Variants in SOS1 observed in about 807,000 individuals in gnomAD.
The protein encoded by SOS1 is SOS Ras/Rac guanine nucleotide exchange factor 1, also known as son of sevenless homolog 1.
In SOS1, 25 loss-of-function variants were observed where a neutral mutation model predicts 157.6. That is an observed-to-expected ratio of 0.16 (90% CI 0.12 to 0.22). SOS1 has a LOEUF of 0.22. Ranked by LOEUF, SOS1 falls within the 10% of genes least tolerant of loss-of-function variation. The probability of loss-of-function intolerance (pLI) is 1.00; values close to 1 mark genes in which losing one functional copy is unlikely to be tolerated. For missense variants in SOS1, 1,237 were observed against 1,599.1 expected, an observed-to-expected ratio of 0.77 and a Z score of 3.86; for synonymous variants, 528 against 534.0, an observed-to-expected ratio of 0.99 and a Z score of 0.16.
At chr2:39,044,864 G>GCGCGCGCACACACA (rs147443441) in intron 6 of SOS1, among the ~76,000 whole-genome samples, 2 of 147,660 alleles carry the variant, frequency 1.4e-5, no homozygotes, top group East Asian at 4.1e-4. Context: ...GCGCGCGCGC[G>GCGCGCGCACACACA]CACACACACA....
chr2:39,040,995 G>A (rs1313939574), intron 6 of SOS1, among the ~76,000 whole-genome samples: 2 of 152,156 alleles, frequency 1.3e-5, no homozygotes, highest in African/African-American at 2.4e-5. Flanking sequence ...ACATCTTCAT[G>A]AACACTTGTT....
intron 10 of SOS1, among the ~76,000 whole-genome samples, chr2:39,017,727 G>T (rs1295336947): frequency 6.6e-6 from 1 of 151,906 alleles, no homozygotes; most frequent in Non-Finnish European, 1.5e-5. Flanking sequence ...TTAGTCTAAA[G>T]CAATGAAAAA....
At chr2:39,013,271 T>A (rs189314714) in intron 13 of SOS1, among the ~76,000 whole-genome samples, 189 bp downstream of exon 13, 177 of 152,226 alleles carry the variant, frequency 1.2e-3, no homozygotes, top group African/African-American at 4.1e-3. Flanking sequence ...ATACATTGGA[T>A]CAACAGGGTG....
At chr2:39,109,143 A>G (rs1170775327) in intron 1 of SOS1, among the ~76,000 whole-genome samples, 1 of 152,168 alleles carries the variant, frequency 6.6e-6, no homozygotes, top group African/African-American at 2.4e-5. Context: ...GGGCTGCAGT[A>G]AGCCATGATC....
At chr2:39,027,008 T>C (rs867124726) in intron 8 of SOS1, among the ~76,000 whole-genome samples, 6 of 152,216 alleles carry the variant, frequency 3.9e-5, no homozygotes, top group Admixed American at 2.0e-4. Context: ...ACTGAGTTGA[T>C]TGAGAATTTA....
intron 17 of SOS1, among the ~76,000 whole-genome samples, chr2:39,004,283 G>A (rs1372189143): frequency 6.6e-6 from 1 of 151,842 alleles, no homozygotes; most frequent in African/African-American, 2.4e-5. Flanking sequence ...GCTGGGTGTG[G>A]TGGTGGGCGC....
chr2:39,086,520 T>C (rs995076766), intron 1 of SOS1, among the ~76,000 whole-genome samples: 3 of 152,326 alleles, frequency 2.0e-5, no homozygotes, highest in African/African-American at 4.8e-5. Flanking sequence ...CAAGCCTGAA[T>C]TACATTTTTA....
At chr2:39,106,357 G>C (rs947442835) in intron 1 of SOS1, among the ~76,000 whole-genome samples, 2 of 151,964 alleles carry the variant, frequency 1.3e-5, no homozygotes, top group South Asian at 2.1e-4. Context: ...TTGGGAGGCC[G>C]AGGCGGGCGG....
chr2:39,049,478 C>T (rs1409254055), intron 6 of SOS1, among the ~76,000 whole-genome samples: 1 of 151,996 alleles, frequency 6.6e-6, no homozygotes, highest in Non-Finnish European at 1.5e-5. Flanking sequence ...GATCATATTC[C>T]TTCACTTATC....
At chr2:39,094,135 A>AT (rs568140332) in intron 1 of SOS1, among the ~76,000 whole-genome samples, 39 of 150,152 alleles carry the variant, frequency 2.6e-4, no homozygotes, top group South Asian at 4.2e-4. Flanking sequence ...CTCTCTGCTA[A>AT]TTTTTTTTTT....
intron 1 of SOS1, among the ~76,000 whole-genome samples, chr2:39,074,155 G>A (rs1671882811): frequency 6.6e-6 from 1 of 152,010 alleles, no homozygotes; most frequent in African/African-American, 2.4e-5. Flanking sequence ...TTTGAGACAA[G>A]CCTGAGCAAC....
chr2:39,091,705 C>A (rs1263727768), intron 1 of SOS1, among the ~76,000 whole-genome samples: 1 of 152,174 alleles, frequency 6.6e-6, no homozygotes, highest in Non-Finnish European at 1.5e-5. Flanking sequence ...CTATACCAGC[C>A]CCCCAGGCTT....
intron 5 of SOS1, among the ~76,000 whole-genome samples, chr2:39,053,641 T>C (rs1178911604): frequency 2.6e-5 from 4 of 152,198 alleles, no homozygotes; most frequent in Non-Finnish European, 5.9e-5. Context: ...GTTTCTCTTA[T>C]CAGTCATTTA....
chr2:39,041,043 T>C (rs1670551885), intron 6 of SOS1, among the ~76,000 whole-genome samples: 5 of 152,200 alleles, frequency 3.3e-5, no homozygotes, highest in South Asian at 4.1e-4. Context: ...TCTTAGTAGA[T>C]GTGAAGTGGT....
chr2:39,110,068 G>GTGTGTGTGTGTGTGTGTGTT (rs1395301175), intron 1 of SOS1, among the ~76,000 whole-genome samples: 3 of 148,584 alleles, frequency 2.0e-5, no homozygotes, highest in African/African-American at 7.8e-5. Context: ...GTGTGTGTGT[G>GTGTGTGTGTGTGTGTGTGTT]TGTGTGTGTG....
chr2:39,094,825 A>ATG (rs1212488807), intron 1 of SOS1, among the ~76,000 whole-genome samples: 1 of 152,188 alleles, frequency 6.6e-6, no homozygotes, highest in Non-Finnish European at 1.5e-5. Context: ...CTATTTACAA[A>ATG]TAACTTAGCC....
At chr2:39,094,151 T>C (rs1046978711) in intron 1 of SOS1, among the ~76,000 whole-genome samples, 17 of 152,114 alleles carry the variant, frequency 1.1e-4, no homozygotes, top group African/African-American at 3.9e-4. Flanking sequence ...TTTTTGTTTG[T>C]TTTGGAAAAC....
At chr2:39,056,610 A>G in intron 4 of SOS1, 92 bp downstream of exon 4, 1 of 838,736 alleles carries the variant, frequency 1.2e-6, no homozygotes. Context: ...CCCAACACAT[A>G]ATACAATTTT....
chr2:39,024,169 T>C, intron 8 of SOS1, 32 bp from the exon 9 acceptor site: 1 of 1,578,228 alleles, frequency 6.3e-7, no homozygotes, highest in Non-Finnish European at 8.7e-7. Flanking sequence ...TCTGAACCAG[T>C]AGTACATTTT....
Sources: gnomAD v4.1 joint callset for allele counts (sites outside exome capture counted in the v4.1 genomes callset) on GRCh38, gnomAD v4.1.1 for gene constraint, MANE v1.5 for transcripts, NCBI Gene and HGNC (gene_info 2026-07-23, HGNC 2026-07-21) for gene names.